The following AP2A2 variants were observed in gnomAD, a reference collection of about 807,000 sequenced individuals.
The protein encoded by AP2A2 is AP-2 complex subunit alpha-2.
A neutral mutation model predicts 104.2 loss-of-function variants in AP2A2; 32 were observed. The observed-to-expected ratio is 0.31, with a 90% CI of 0.23 to 0.41. AP2A2 has a LOEUF of 0.41. Ranked by LOEUF, AP2A2 falls within the 10% of genes least tolerant of loss-of-function variation. AP2A2 has a pLI of 1.00. For missense variants in AP2A2, 912 were observed against 1,261.0 expected (o/e 0.72, Z 4.19); for synonymous variants, 539 against 533.3 (o/e 1.01, Z -0.15).
At chr11:1,005,422 G>A (rs776771320) in intron 16 of AP2A2, among the ~76,000 whole-genome samples, 4 of 152,234 alleles carry the variant, frequency 2.6e-5, no homozygotes, top group African/African-American at 9.6e-5. Flanking sequence ...GGTGGCAGCA[G>A]CTGCACAGTG....
At chr11:935,603 G>GTTTTTTTTGTT (rs1371841792) in intron 1 of AP2A2, among the ~76,000 whole-genome samples, 3 of 77,988 alleles carry the variant, frequency 3.8e-5, no homozygotes, top group African/African-American at 1.4e-4. Flanking sequence ...TGCCCGGCCA[G>GTTTTTTTTGTT]TTTTTTTTTT....
chr11:990,207 G>A (rs909923284), intron 10 of AP2A2, among the ~76,000 whole-genome samples: 9 of 152,364 alleles, frequency 5.9e-5, no homozygotes, highest in Admixed American at 2.0e-4. Flanking sequence ...CTCCAGGACA[G>A]TGGGCCTGGG....
At position 1,000,506 on chromosome 11, in the gene AP2A2, C is replaced by T; in HGVS notation, c.2031C>T (p.Ser677=). The T allele has an allele frequency of 6.5e-7, 1 of 1,540,870 alleles. No individual in the cohort carries two copies. The highest frequency in any genetic ancestry group is 8.7e-7 in the Non-Finnish European group (1 of 1,147,896). ...APPAPAGPPP[S]SGGSGLLVDV... Reference sequence around the variant, plus strand: ...CTGCCCCCGCGGGCCCCCCACCCTCCTCCGGCGGCAGCGGGCTGCTCGTGG... The same window carrying T: ...CTGCCCCCGCGGGCCCCCCACCCTCTTCCGGCGGCAGCGGGCTGCTCGTGG... Residue 677 remains serine (S), a synonymous_variant, in exon 15 of 22, where the codon TCC becomes TCT. Transcript: ENST00000448903.
chr11:984,860 G>A (rs1855398212), intron 7 of AP2A2, 107 bp downstream of exon 7: 2 of 975,220 alleles, frequency 2.1e-6, no homozygotes, highest in East Asian at 4.8e-5. Flanking sequence ...TACTAGCCCT[G>A]TCTCTTGATT....
intron 14 of AP2A2, among the ~76,000 whole-genome samples, chr11:997,389 G>A (rs1855890191): frequency 6.6e-6 from 1 of 152,172 alleles, no homozygotes; most frequent in Non-Finnish European, 1.5e-5. Context: ...TCCTGCTATT[G>A]GAGGGAGGAG....
intron 1 of AP2A2, among the ~76,000 whole-genome samples, chr11:956,011 G>T (rs889785807): frequency 2.0e-5 from 3 of 152,218 alleles, no homozygotes; most frequent in East Asian, 1.9e-4. Flanking sequence ...ACTTGAGAAG[G>T]TTTTTTAAAT....
intron 2 of AP2A2, among the ~76,000 whole-genome samples, chr11:963,999 A>G (rs1021786420): frequency 6.6e-6 from 1 of 152,254 alleles, no homozygotes; most frequent in Non-Finnish European, 1.5e-5. Flanking sequence ...AGTGGCCCCC[A>G]CAACAGAGGC....
At chr11:983,662 C>T (rs141985119) in intron 6 of AP2A2, among the ~76,000 whole-genome samples, 2,222 of 152,286 alleles carry the variant, frequency 0.015, 54 homozygotes, top group African/African-American at 0.049. Flanking sequence ...GGATTACAGG[C>T]GGGAGCCACC....
chr11:961,815 T>G (rs185463283), intron 2 of AP2A2, among the ~76,000 whole-genome samples: 2 of 110,164 alleles, frequency 1.8e-5, no homozygotes, highest in African/African-American at 7.5e-5. Flanking sequence ...CCGCCACGAG[T>G]GAAAAGTAAA....
intron 15 of AP2A2, among the ~76,000 whole-genome samples, chr11:1,001,129 T>C (rs561772940): frequency 6.6e-6 from 1 of 152,322 alleles, no homozygotes; most frequent in South Asian, 2.1e-4. Flanking sequence ...GAGGGCAGCC[T>C]GTCTTTGCTG....
chr11:987,686 G>C (rs1484842115), intron 9 of AP2A2, among the ~76,000 whole-genome samples: 1 of 152,166 alleles, frequency 6.6e-6, no homozygotes, highest in African/African-American at 2.4e-5. Flanking sequence ...AGTTGGAAGA[G>C]CCCAGTTGAG....
At chr11:934,556 C>T (rs1853391381) in intron 1 of AP2A2, among the ~76,000 whole-genome samples, 1 of 152,152 alleles carries the variant, frequency 6.6e-6, no homozygotes, top group African/African-American at 2.4e-5. Context: ...CCCCATTTAC[C>T]TTTCTTCTCA....
chr11:940,876 G>A (rs567264828), intron 1 of AP2A2: 8 of 456,194 alleles, frequency 1.8e-5, no homozygotes, highest in South Asian at 1.1e-4. Flanking sequence ...GAGGACTCTC[G>A]ACTCTCTTCT....
chr11:957,100 C>G (rs575256007), intron 1 of AP2A2: 1 of 152,352 alleles, frequency 6.6e-6, no homozygotes, highest in South Asian at 2.1e-4. Context: ...CATCTCACGA[C>G]CCCCTCTTTG....
intron 1 of AP2A2, among the ~76,000 whole-genome samples, chr11:928,783 C>G (rs1321426970): frequency 6.6e-6 from 1 of 152,192 alleles, no homozygotes; most frequent in East Asian, 1.9e-4. Context: ...TAATACGGCC[C>G]CTTTCTCGGA....
Position 1,000,458 on chromosome 11 carries a change from G to C in AP2A2, c.1983G>C (p.Leu661=). ...AVSTPSPSAD[L]LGLGAAPPAP... ...CTACGCCTTCTCCGTCGGCAGACCT[G>C]CTGGGTCTCGGGGCTGCCCCCCCTG... The change falls in exon 15 of 22, where the codon CTG becomes CTC. Residue 661 remains leucine, a synonymous_variant. Transcript: ENST00000448903. The C allele has an allele frequency of 6.5e-7, 1 of 1,542,818 alleles. No homozygotes were observed. Among genetic ancestry groups the C allele is most frequent in the East Asian group, 2.4e-5 (1 of 41,090 alleles).
intron 2 of AP2A2, among the ~76,000 whole-genome samples, chr11:962,001 G>T (rs530190291): frequency 5.9e-5 from 9 of 151,668 alleles, no homozygotes; most frequent in Non-Finnish European, 1.2e-4. Flanking sequence ...GAAAAGTAAA[G>T]GGCGGAAGCA....
At chr11:990,168 G>A (rs1855598252) in intron 10 of AP2A2, among the ~76,000 whole-genome samples, 1 of 152,246 alleles carries the variant, frequency 6.6e-6, no homozygotes, top group Non-Finnish European at 1.5e-5. Flanking sequence ...CAGGGGCCAG[G>A]AGGCGGCTCT....
At chr11:979,332 A>G (rs1158869187) in intron 5 of AP2A2, among the ~76,000 whole-genome samples, 1 of 151,332 alleles carries the variant, frequency 6.6e-6, no homozygotes, top group East Asian at 1.9e-4. Context: ...GTTTCTTACA[A>G]GTTCTTTATT....
Sources: gnomAD v4.1 joint callset for allele counts (sites outside exome capture counted in the v4.1 genomes callset) on GRCh38, gnomAD v4.1.1 for gene constraint, MANE v1.5 for transcripts, NCBI Gene and HGNC (gene_info 2026-07-23, HGNC 2026-07-21) for gene names.